PHF21A: variants seen among roughly 807,000 people sequenced by gnomAD.
PHF21A encodes the protein BHC80a.
In PHF21A, 11 loss-of-function variants were observed where a neutral mutation model predicts 82.5. The ratio of observed to expected loss-of-function variants is 0.13; its 90% CI spans 0.08 to 0.22. The LOEUF is 0.22. PHF21A is among the 10% of genes least tolerant of loss of function. The pLI, the probability that PHF21A is intolerant of heterozygous loss-of-function variation, is 1.00. For synonymous variants in PHF21A, 297 were observed against 302.8 expected (o/e 0.98, Z 0.20); for missense variants, 579 against 837.8 (o/e 0.69, Z 3.81).
intron 18 of PHF21A, 75 bp from the exon 19 acceptor site, chr11:45,934,300 C>G (rs143570530): frequency 1.4e-6 from 2 of 1,409,188 alleles, no homozygotes; most frequent in Non-Finnish European, 1.9e-6. Flanking sequence ...AAGAGCAGAG[C>G]GCCTTCTCTC....
At chr11:45,952,228 T>C (rs1239181922) in intron 11 of PHF21A, among the ~76,000 whole-genome samples, 1 of 152,252 alleles carries the variant, frequency 6.6e-6, no homozygotes. Flanking sequence ...AGGTGAACTA[T>C]ATGCTACTAC....
At chr11:45,998,343 G>C (rs573239570) in intron 6 of PHF21A, among the ~76,000 whole-genome samples, 1 of 152,308 alleles carries the variant, frequency 6.6e-6, no homozygotes, top group South Asian at 2.1e-4. Context: ...TTAGGGCCAT[G>C]GATAGAGTGG....
chr11:45,998,518 C>T (rs929876207), intron 6 of PHF21A, among the ~76,000 whole-genome samples: 31 of 145,326 alleles, frequency 2.1e-4, no homozygotes, highest in Middle Eastern at 7.2e-3. Flanking sequence ...ATTTCTTTTT[C>T]TTTTTTTTTT....
intron 6 of PHF21A, among the ~76,000 whole-genome samples, chr11:46,004,631 A>C (rs1462714321): frequency 6.6e-6 from 1 of 152,122 alleles, no homozygotes; most frequent in East Asian, 1.9e-4. Context: ...ATCAAACAAA[A>C]ACTCACTTTT....
rs534877497 is a variant in PHF21A at position 46,005,382 on chromosome 11, T to C, written c.154-25416A>G. On this transcript the variant is annotated intron_variant, in intron 6 of 18. Transcript: ENST00000676320. ...TGAGATTTTTCAGACTGTAGAATAT[T>C]TGCACAATATATTAACGCCTTGTAT... Among the ~76,000 whole-genome samples, 16 of 152,312 alleles carry C rather than the reference T, an allele frequency of 1.1e-4. No individual in the cohort carries two copies. In the East Asian group the frequency reaches 2.7e-3, roughly 26 times the overall value.
At chr11:46,094,530 C>G (rs2096967044) in intron 1 of PHF21A, among the ~76,000 whole-genome samples, 1 of 152,134 alleles carries the variant, frequency 6.6e-6, no homozygotes, top group Non-Finnish European at 1.5e-5. Context: ...ACAATAAACA[C>G]TAGCGAAATA....
intron 6 of PHF21A, among the ~76,000 whole-genome samples, chr11:46,018,723 A>T (rs577986312): frequency 4.0e-4 from 61 of 151,816 alleles, no homozygotes; most frequent in African/African-American, 8.7e-4. Context: ...TTTTTTTTTT[A>T]AATTCAAGAA....
At chr11:45,948,433 T>C (rs936643256) in intron 14 of PHF21A, among the ~76,000 whole-genome samples, 21 of 152,218 alleles carry the variant, frequency 1.4e-4, no homozygotes, top group Non-Finnish European at 2.6e-4. Context: ...TGGCTACCTC[T>C]TTCCTTCCTG....
Position 45,934,070 on chromosome 11 carries a change from C to T in PHF21A, c.1944G>A (p.Pro648=), listed in dbSNP as rs199802844. 4.8e-5 allele frequency: 78 copies of T among 1,613,874 alleles called. No individual in the cohort carries two copies. The highest frequency in any genetic ancestry group is 3.7e-4 in the Admixed American group (22 of 60,006). Reference sequence around the variant, plus strand: ...CGGCATTGGCAGGGGGGGTGCAGTCCGGGCCATTGGAGATGGCCCCCACAG... The same window carrying T: ...CGGCATTGGCAGGGGGGGTGCAGTCTGGGCCATTGGAGATGGCCCCCACAG... The part of the protein sequence containing the change: ...EATVGAISNG[P]DCTPPANAAT... Residue 648 remains proline, a synonymous_variant, in exon 19 of 19, where the codon CCG becomes CCA. Coordinates refer to ENST00000676320, the MANE Select transcript of PHF21A (RefSeq NM_001352027.3).
Position 45,932,936 on chromosome 11 carries a change from A to G in PHF21A, c.*1032T>C, listed in dbSNP as rs35588803. The G allele has an allele frequency of 6.6e-6, 1 of 152,548 alleles. No homozygotes were observed. Among genetic ancestry groups the G allele is most frequent in the Non-Finnish European group, 1.5e-5 (1 of 68,042 alleles). The allele number at this position is 152,548 out of a possible 1,614,324, so 9.4% of individuals were successfully genotyped here. On this transcript the variant is annotated 3_prime_UTR_variant, in exon 19 of 19. Coordinates refer to ENST00000676320, the MANE Select transcript of PHF21A (RefSeq NM_001352027.3). This position sits in a 1 kb window ranked among gnomAD's most constrained non-coding sequence, Gnocchi z 4.3. ...TTTTGTTACCAAGAAAGTAAAATGA[A>G]CAGTAAAATAAAACTTTCCTTAAAG...
chr11:46,003,447 A>G (rs1356019608), intron 6 of PHF21A, among the ~76,000 whole-genome samples: 4 of 152,156 alleles, frequency 2.6e-5, no homozygotes, highest in Non-Finnish European at 5.9e-5. Context: ...GAGTCATAAA[A>G]TATTCAATAT....
Position 45,971,905 on chromosome 11 carries a change from T to TCTTTTTTTTTTTTTTA in PHF21A, c.361-539_361-538insTAAAAAAAAAAAAAAG, listed in dbSNP as rs1452859819. 6.0e-4 allele frequency among the ~76,000 whole-genome samples: 54 copies of TCTTTTTTTTTTTTTTA among 89,950 alleles called. 3 individuals carry two copies. Among genetic ancestry groups the TCTTTTTTTTTTTTTTA allele is most frequent in the East Asian group, 6.0e-3 (8 of 1,338 alleles). The allele number at this position is 89,950 out of a possible 152,430, so 59.0% of individuals were successfully genotyped here. A position where few individuals can be genotyped will look rare whatever the true frequency, so the allele number is the denominator to read the frequency against. On this transcript the variant is annotated intron_variant, in intron 7 of 18. Coordinates refer to ENST00000676320, the MANE Select transcript of PHF21A (RefSeq NM_001352027.3). ...CTTTTTCTTTCTTTTTTTTTTTTTT[T>TCTTTTTTTTTTTTTTA]ATGGTGTCACCCTGGAGAGAAGGAA... is the stretch of plus-strand genomic sequence containing the variant.
chr11:45,995,507 G>C (rs558086760), intron 6 of PHF21A, among the ~76,000 whole-genome samples: 1 of 152,180 alleles, frequency 6.6e-6, no homozygotes, highest in Non-Finnish European at 1.5e-5. Context: ...GTTTATAAAA[G>C]ATCAGAGCAC....
intron 1 of PHF21A, among the ~76,000 whole-genome samples, chr11:46,115,312 G>T (rs2097275068): frequency 6.6e-6 from 1 of 151,938 alleles, no homozygotes; most frequent in Non-Finnish European, 1.5e-5. Context: ...TGAATTGAGG[G>T]ACAAGTAATA....
rs566414089 is a variant in PHF21A, at chr11:46,051,119, T to C, written c.153+25635A>G. On this transcript the variant is annotated intron_variant, in intron 6 of 18. Coordinates refer to ENST00000676320, the MANE Select transcript of PHF21A (RefSeq NM_001352027.3). ...AAAAGCATAGTTAGTCTCTCTGAGG[T>C]AAAATACACCACATTTAAATGGCTT... Among the ~76,000 whole-genome samples the C allele has an allele frequency of 8.5e-5, 13 of 152,304 alleles. No individual in the cohort carries two copies. The South Asian group carries it at 2.7e-3, about 32-fold the overall frequency.
At chr11:45,948,752 A>T in intron 14 of PHF21A, 134 bp downstream of exon 14, 1 of 733,220 alleles carries the variant, frequency 1.4e-6, no homozygotes, top group East Asian at 2.5e-5. Flanking sequence ...TCCCATTCTC[A>T]GAGAACAACA....
chr11:46,116,833 G>C (rs1224641316), intron 1 of PHF21A: 2 of 152,238 alleles, frequency 1.3e-5, no homozygotes, highest in African/African-American at 4.8e-5. Context: ...CGTAGTGGCG[G>C]ACACCTCTAT....
At chr11:45,979,011 T>C (rs531886764) in intron 7 of PHF21A, among the ~76,000 whole-genome samples, 4 of 152,130 alleles carry the variant, frequency 2.6e-5, no homozygotes, top group East Asian at 1.9e-4. Context: ...AGTGCAAATA[T>C]AGCACTCTTC....
intron 7 of PHF21A, among the ~76,000 whole-genome samples, chr11:45,975,140 T>A (rs1366564173): frequency 1.3e-5 from 2 of 151,498 alleles, no homozygotes; most frequent in Non-Finnish European, 2.9e-5. Context: ...ATAGTGAAAC[T>A]CCACCTCTAC....
Sources: gnomAD v4.1 joint callset for allele counts (sites outside exome capture counted in the v4.1 genomes callset) on GRCh38, gnomAD v4.1.1 for gene constraint, Gnocchi (gnomAD v3.1) non-coding constraint, MANE v1.5 for transcripts, NCBI Gene and HGNC (gene_info 2026-07-23, HGNC 2026-07-21) for gene names.